PLOD2: variants seen among roughly 807,000 people sequenced by gnomAD.
The protein encoded by PLOD2 is procollagen-lysine,2-oxoglutarate 5-dioxygenase 2.
PLOD2 carries 65 observed loss-of-function variants against 101.0 expected under a neutral mutation model. The ratio of observed to expected loss-of-function variants is 0.64; its 90% CI spans 0.53 to 0.79. The LOEUF is 0.79. Among genes scored for constraint, PLOD2 ranks in the 30% least tolerant of loss-of-function variants. The pLI, the probability that PLOD2 is intolerant of heterozygous loss-of-function variation, is 0.00. For missense variants in PLOD2, 909 were observed against 914.6 expected (o/e 0.99, Z 0.08); for synonymous variants, 314 against 302.9 (o/e 1.04, Z -0.38).
chr3:146,106,093 G>A (rs184568113), intron 5 of PLOD2, among the ~76,000 whole-genome samples: 8 of 152,268 alleles, frequency 5.3e-5, no homozygotes, highest in Admixed American at 5.2e-4. Context: ...AAATCTCCAA[G>A]CTCAGAAGTT....
At chr3:146,132,414 T>C (rs2030970947) in intron 1 of PLOD2, among the ~76,000 whole-genome samples, 1 of 152,074 alleles carries the variant, frequency 6.6e-6, no homozygotes, top group Non-Finnish European at 1.5e-5. Flanking sequence ...TAAGGTCCAA[T>C]ACTAACTAGA....
chr3:146,077,805 ATATAC>A (rs2108003641), intron 14 of PLOD2, 52 bp downstream of exon 14: 7 of 989,380 alleles, frequency 7.1e-6, no homozygotes, highest in South Asian at 1.5e-5. Context: ...CTACTAGGCA[ATATAC>A]TATATCAAAT....
intron 3 of PLOD2, among the ~76,000 whole-genome samples, chr3:146,120,642 T>C (rs2030053836): frequency 6.6e-6 from 1 of 152,142 alleles, no homozygotes; most frequent in Non-Finnish European, 1.5e-5. Context: ...GCTAAAGAGC[T>C]TCTGCACAGC....
At chr3:146,101,631 TTATCTA>T (rs1937392430) in intron 7 of PLOD2, among the ~76,000 whole-genome samples, 1 of 152,066 alleles carries the variant, frequency 6.6e-6, no homozygotes, top group Non-Finnish European at 1.5e-5. Flanking sequence ...TGACAGCGAG[TTATCTA>T]TATTTTAAGA....
chr3:146,076,799 T>C lies in PLOD2; in HGVS notation c.1660A>G (p.Ile554Val), dbSNP rs763766109. The part of the protein sequence containing the change: ...TSHYNNDLWQ[I>V]FENPVDWKEK... ...ATACATACCACAGGATTTTCAAAAA[T>C]CTGCCAGAGGTCATTGTTATAATGG... The change falls in exon 15 of 20, where the codon ATT (isoleucine) becomes GTT (valine). Residue 554 changes from isoleucine to valine, a missense_variant. Physicochemically the swap from Ile to Val is conservative, Grantham distance 29 (BLOSUM62 3). Transcript: ENST00000282903. 6.5e-7 allele frequency: 1 copy of C among 1,539,456 alleles called. No individual in the cohort carries two copies. Among genetic ancestry groups the C allele is most frequent in the South Asian group, 1.1e-5 (1 of 88,994 alleles).
At chr3:146,096,771 G>A (rs1160687360) in intron 7 of PLOD2, among the ~76,000 whole-genome samples, 3 of 145,498 alleles carry the variant, frequency 2.1e-5, no homozygotes, top group Non-Finnish European at 3.0e-5. Context: ...TCAGCCCCCC[G>A]CCCAGCCAGC....
chr3:146,086,646 G>A, intron 10 of PLOD2, 141 bp downstream of exon 10: 1 of 534,176 alleles, frequency 1.9e-6, no homozygotes, highest in East Asian at 3.2e-5. Context: ...CATAGACACA[G>A]TCTAAGTTGG....
rs368823405 is a variant in PLOD2, at chr3:146,071,132, G to C, written c.2031C>G (p.Ser677=). Residue 677 remains serine (S), a synonymous_variant, in exon 19 of 20, where the codon TCC becomes TCG. Coordinates refer to ENST00000282903, the MANE Select transcript of PLOD2 (RefSeq NM_182943.3). ...FALLNFVVKY[S]PERQRSLRPH... ...GACGAAGAGAACGCTGTCGTTCAGGGGAGTATTTTACTACAAAATTCAGTA... is the reference window on the plus strand; with the variant it reads ...GACGAAGAGAACGCTGTCGTTCAGGCGAGTATTTTACTACAAAATTCAGTA... 1.2e-6 allele frequency: 2 copies of C among 1,610,784 alleles called. No individual in the cohort carries two copies. The highest frequency in any genetic ancestry group is 1.7e-6 in the Non-Finnish European group (2 of 1,177,886).
rs141913649 is a variant in PLOD2 at position 146,119,237 on chromosome 3, C to T, written c.338+1875G>A. On this transcript the variant is annotated intron_variant, in intron 3 of 19. Transcript: ENST00000282903. The stretch of plus-strand genomic sequence containing the variant: ...CTCCAATCATGTGAGACCTTCATTC[C>T]TCCTTTGCCTTCTGCCATGATCCTA... 1.5e-4 allele frequency among the ~76,000 whole-genome samples: 23 copies of T among 152,228 alleles called. No homozygotes were observed. The East Asian group carries it at 4.1e-3, about 27-fold the overall frequency.
At chr3:146,110,846 G>A (rs1025163436) in intron 3 of PLOD2, among the ~76,000 whole-genome samples, 2 of 152,020 alleles carry the variant, frequency 1.3e-5, no homozygotes, top group South Asian at 4.1e-4. Context: ...AAGTAAATTT[G>A]TACCAGTCCA....
chr3:146,123,693 T>C (rs1288887394), intron 2 of PLOD2, among the ~76,000 whole-genome samples: 1 of 152,060 alleles, frequency 6.6e-6, no homozygotes, highest in South Asian at 2.1e-4. Context: ...ATTTACATTG[T>C]ATTTGTACAT....
chr3:146,073,314 C>G lies in PLOD2; in HGVS notation c.1716G>C (p.Lys572Asn). ...GTTCAACTATATTTTCAGTGAAAAT[C>G]TTTGAATAATCACGGTTTATATACT... ...KEKYINRDYSKIFTENIVEQP... is the reference protein window; with the variant it reads ...KEKYINRDYSNIFTENIVEQP... The change falls in exon 16 of 20, where the codon AAG becomes AAC. Residue 572 changes from lysine (K) to asparagine (N), a missense_variant. Transcript: ENST00000282903. 8.0e-7 allele frequency: 1 copy of G among 1,248,422 alleles called. No homozygotes were observed. The highest frequency in any genetic ancestry group is 1.5e-5 in the African/African-American group (1 of 67,532). 77.3% of individuals were successfully genotyped at this position (1,248,422 alleles called of 1,614,324 possible).
At chr3:146,088,528 G>C in intron 9 of PLOD2, 58 bp downstream of exon 9, 1 of 1,218,424 alleles carries the variant, frequency 8.2e-7, no homozygotes, top group Non-Finnish European at 1.2e-6. Flanking sequence ...ATAACAAATA[G>C]TTCCAAAAAA....
At chr3:146,092,381 TA>T (rs1282132416) in intron 7 of PLOD2, among the ~76,000 whole-genome samples, 1 of 151,948 alleles carries the variant, frequency 6.6e-6, no homozygotes, top group African/African-American at 2.4e-5. Context: ...AAATAAATAC[TA>T]AGTAAGCTTT....
intron 7 of PLOD2, among the ~76,000 whole-genome samples, chr3:146,099,775 A>C (rs576342916): frequency 6.6e-6 from 1 of 152,160 alleles, no homozygotes; most frequent in South Asian, 2.1e-4. Flanking sequence ...CCAGCTCTTG[A>C]CTAACTGGCA....
intron 3 of PLOD2, among the ~76,000 whole-genome samples, chr3:146,118,401 G>C (rs6787634): frequency 3.3e-5 from 5 of 151,848 alleles, no homozygotes; most frequent in African/African-American, 4.8e-5. Context: ...ACGGCACTGG[G>C]ACTTCATTAT....
At chr3:146,134,542 T>G (rs1196648149) in intron 1 of PLOD2, among the ~76,000 whole-genome samples, 1 of 152,226 alleles carries the variant, frequency 6.6e-6, no homozygotes, top group Non-Finnish European at 1.5e-5. Flanking sequence ...GCTAGCCAAA[T>G]GCTTTATTAG....
In PLOD2 at chr3:146,124,127, A is replaced by C; in HGVS notation, c.201+11T>G. On this transcript the variant is annotated intron_variant, in intron 2 of 19. Transcript: ENST00000282903. ...TTATAGGATCTTCATAGGTTAAAGG[A>C]TATACCATACCTTCACAGTATAATT... is the stretch of plus-strand genomic sequence containing the variant. 2 of 1,361,018 alleles carry C rather than the reference A, an allele frequency of 1.5e-6. No individual in the cohort carries two copies. Among genetic ancestry groups the C allele is most frequent in the Non-Finnish European group, 2.1e-6 (2 of 950,362 alleles). 84.3% of individuals were successfully genotyped at this position (1,361,018 alleles called of 1,614,324 possible). A position where few individuals can be genotyped will look rare whatever the true frequency, so the allele number is the denominator to read the frequency against.
chr3:146,127,659 T>C (rs546669833), intron 1 of PLOD2, among the ~76,000 whole-genome samples: 1 of 152,280 alleles, frequency 6.6e-6, no homozygotes, highest in Admixed American at 6.5e-5. Flanking sequence ...GTCTTTTTTA[T>C]GTAATGACTT....
Sources: allele counts gnomAD v4.1 joint callset (sites outside exome capture counted in the v4.1 genomes callset), GRCh38; gene constraint gnomAD v4.1.1; transcripts MANE v1.5; gene names NCBI Gene and HGNC (gene_info 2026-07-23, HGNC 2026-07-21).